NBEA: variants seen among roughly 807,000 people sequenced by gnomAD.
The protein encoded by NBEA is neurobeachin.
In NBEA, 44 loss-of-function variants were observed where a neutral mutation model predicts 343.4. That is an observed-to-expected ratio of 0.13 (90% CI 0.10 to 0.16). NBEA has a LOEUF of 0.16. Ranked by LOEUF, NBEA falls within the 10% of genes least tolerant of loss-of-function variation. The pLI is 1.00. For synonymous variants in NBEA, 1,175 were observed against 1,238.7 expected (o/e 0.95, Z 1.08); for missense variants, 2,555 against 3,631.3 (o/e 0.70, Z 7.62).
intron 35 of NBEA, among the ~76,000 whole-genome samples, chr13:35,308,512 G>GTATATA (rs1566597433): frequency 2.0e-5 from 2 of 98,552 alleles, no homozygotes; most frequent in Non-Finnish European, 3.9e-5. Flanking sequence ...ATATATATAT[G>GTATATA]TGTATATATG....
chr13:35,442,902 A>G (rs1178222317), intron 39 of NBEA, among the ~76,000 whole-genome samples: 1 of 152,088 alleles, frequency 6.6e-6, no homozygotes, highest in Non-Finnish European at 1.5e-5. Context: ...ATCAGAGTAT[A>G]TTGTCAGCTT....
At chr13:35,303,841 T>TA (rs2036708279) in intron 35 of NBEA, among the ~76,000 whole-genome samples, 1 of 152,222 alleles carries the variant, frequency 6.6e-6, no homozygotes, top group African/African-American at 2.4e-5. Flanking sequence ...TTCTTGGCTT[T>TA]AATCACAAAG....
intron 28 of NBEA, among the ~76,000 whole-genome samples, chr13:35,179,047 T>C (rs2071121979): frequency 6.6e-6 from 1 of 151,672 alleles, no homozygotes; most frequent in African/African-American, 2.4e-5. Flanking sequence ...GGTTATATGG[T>C]AAATGATGAT....
intron 1 of NBEA, among the ~76,000 whole-genome samples, chr13:34,951,149 G>A (rs1478542121): frequency 6.6e-6 from 1 of 151,812 alleles, no homozygotes; most frequent in Non-Finnish European, 1.5e-5. Context: ...TTAGGCTAAG[G>A]AAAAAAATAC....
chr13:35,525,578 A>G (rs998706749), intron 41 of NBEA, among the ~76,000 whole-genome samples: 7 of 152,066 alleles, frequency 4.6e-5, no homozygotes, highest in Non-Finnish European at 7.4e-5. Flanking sequence ...TAAATAAATA[A>G]CAAATAAAAA....
intron 48 of NBEA, among the ~76,000 whole-genome samples, chr13:35,618,421 A>T (rs1183181736): frequency 1.3e-5 from 2 of 152,288 alleles, no homozygotes; most frequent in East Asian, 1.9e-4. Context: ...TTCATTTTTT[A>T]TTTTTTTAAA....
chr13:35,477,511 A>T (rs1263280120), intron 41 of NBEA, among the ~76,000 whole-genome samples: 1 of 152,218 alleles, frequency 6.6e-6, no homozygotes, highest in Non-Finnish European at 1.5e-5. Flanking sequence ...TGTCTGTGGG[A>T]TGGACAGAGT....
chr13:34,943,249 A>G, intron 1 of NBEA, 135 bp downstream of exon 1: 1 of 1,218,426 alleles, frequency 8.2e-7, no homozygotes, highest in South Asian at 1.4e-5. Flanking sequence ...TTCAGCCGGT[A>G]TTGCCCAGCG....
intron 41 of NBEA, among the ~76,000 whole-genome samples, chr13:35,540,266 A>C (rs1566289911): frequency 6.6e-6 from 1 of 152,268 alleles, no homozygotes; most frequent in South Asian, 2.1e-4. Flanking sequence ...TAGAGAGAAG[A>C]CATATAAATA....
intron 8 of NBEA, among the ~76,000 whole-genome samples, chr13:35,061,424 G>T (rs1247616764): frequency 6.6e-6 from 1 of 151,606 alleles, no homozygotes; most frequent in African/African-American, 2.4e-5. Context: ...TCTATTTGGG[G>T]TTATTTAATG....
At chr13:35,612,755 G>A (rs1255745322) in intron 48 of NBEA, among the ~76,000 whole-genome samples, 1 of 152,066 alleles carries the variant, frequency 6.6e-6, no homozygotes, top group African/African-American at 2.4e-5. Context: ...ATTAATGTTG[G>A]TATAAGCTAA....
chr13:34,992,889 T>C (rs1184249827), intron 1 of NBEA, among the ~76,000 whole-genome samples: 1 of 151,148 alleles, frequency 6.6e-6, no homozygotes, highest in Non-Finnish European at 1.5e-5. Flanking sequence ...TTCACCGTAT[T>C]AGCCAGGATG....
chr13:35,167,488 G>T (rs780979522), intron 24 of NBEA, among the ~76,000 whole-genome samples: 7 of 151,888 alleles, frequency 4.6e-5, no homozygotes, highest in Non-Finnish European at 1.0e-4. Context: ...TGAGCACCTT[G>T]AACTTAGTAC....
chr13:34,969,457 T>C (rs1412850355), intron 1 of NBEA, among the ~76,000 whole-genome samples: 1 of 152,080 alleles, frequency 6.6e-6, no homozygotes, highest in Admixed American at 6.6e-5. Flanking sequence ...ATTTTTTACA[T>C]AGGTAAATAT....
At position 35,109,460 on chromosome 13, in the gene NBEA, A is replaced by T; in HGVS notation, c.1833+18A>T. The stretch of plus-strand genomic sequence containing the variant: ...CTGCAAAGGTATGAATTTTATACTT[A>T]TTCAGTTTGATTTAGTGTAATGTTA... On this transcript the variant is annotated intron_variant, in intron 12 of 58. Coordinates refer to ENST00000379939, the MANE Select transcript of NBEA (RefSeq NM_001385012.1). 1 of 1,573,186 alleles carries T rather than the reference A, an allele frequency of 6.4e-7. No homozygotes were observed. The highest frequency in any genetic ancestry group is 1.9e-5 in the Admixed American group (1 of 52,452).
intron 46 of NBEA, among the ~76,000 whole-genome samples, chr13:35,585,526 G>T (rs1313147018): frequency 5.3e-5 from 8 of 151,756 alleles, no homozygotes; most frequent in Admixed American, 4.6e-4. Flanking sequence ...TTTCCTTAAT[G>T]TTCCTCTTCT....
intron 8 of NBEA, among the ~76,000 whole-genome samples, chr13:35,067,130 G>A (rs537534867): frequency 1.4e-4 from 21 of 152,136 alleles, no homozygotes; most frequent in Admixed American, 3.3e-4. Flanking sequence ...CCAACATGAC[G>A]TAATTATTAC....
At chr13:35,389,658 T>G (rs2042404045) in intron 38 of NBEA, among the ~76,000 whole-genome samples, 2 of 152,146 alleles carry the variant, frequency 1.3e-5, no homozygotes, top group African/African-American at 4.8e-5. Flanking sequence ...GCTTTTCTCC[T>G]TCCTATTTTA....
chr13:34,955,865 G>C (rs1046857782), intron 1 of NBEA, among the ~76,000 whole-genome samples: 8 of 152,128 alleles, frequency 5.3e-5, no homozygotes, highest in Admixed American at 2.6e-4. Flanking sequence ...TGTTTATACA[G>C]TATACTAATG....
Sources: allele counts gnomAD v4.1 joint callset (sites outside exome capture counted in the v4.1 genomes callset), GRCh38; gene constraint gnomAD v4.1.1; transcripts MANE v1.5; gene names NCBI Gene and HGNC (gene_info 2026-07-23, HGNC 2026-07-21).